Variants in DCDC1 observed in about 807,000 individuals in gnomAD.
DCDC1 encodes the protein doublecortin domain containing 1, also known as doublecortin domain-containing protein 1.
Under a neutral mutation model 178.3 loss-of-function variants are expected in DCDC1, and 200 were observed. The ratio of observed to expected loss-of-function variants is 1.12; its 90% CI spans 1.00 to 1.26. The LOEUF is 1.26. Among genes scored for constraint, DCDC1 ranks in the 50% most tolerant of loss-of-function variants. The pLI is 0.00. For missense variants in DCDC1, 1,983 were observed against 1,749.2 expected (o/e 1.13, Z -2.38); for synonymous variants, 690 against 604.8 (o/e 1.14, Z -2.07).
intron 9 of DCDC1, among the ~76,000 whole-genome samples, chr11:31,167,867 C>T (rs1199955843): frequency 6.6e-6 from 1 of 152,156 alleles, no homozygotes; most frequent in Non-Finnish European, 1.5e-5. Flanking sequence ...GATGCATAGG[C>T]ATCCATATCT....
chr11:31,355,921 G>A lies in DCDC1; in HGVS notation c.-125+13776C>T, dbSNP rs1486300015. ...CCATACCAGGGAAACATTCAATCAG[G>A]GATGCTCCCAGGCTAGTAAGGGAAG... On this transcript the variant is annotated intron_variant, in intron 1 of 38. Coordinates refer to ENST00000684477, the MANE Select transcript of DCDC1 (RefSeq NM_001387274.1). Among the ~76,000 whole-genome samples the A allele has an allele frequency of 2.0e-5, 3 of 151,932 alleles. No individual in the cohort carries two copies. The East Asian group carries it at 5.8e-4, about 29-fold the overall frequency.
intron 36 of DCDC1, chr11:30,883,660 G>A: frequency 4.9e-6 from 1 of 205,572 alleles, no homozygotes; most frequent in African/African-American, 2.4e-5. Context: ...AGAAAATGAA[G>A]CAAAATCTAT....
intron 11 of DCDC1, among the ~76,000 whole-genome samples, chr11:31,121,906 A>G (rs188073750): frequency 3.9e-5 from 6 of 152,290 alleles, no homozygotes; most frequent in Non-Finnish European, 7.4e-5. Context: ...AAGCTATAGT[A>G]AGTTCAGTTA....
intron 9 of DCDC1, among the ~76,000 whole-genome samples, chr11:31,155,293 T>C (rs1181409884): frequency 6.6e-6 from 1 of 152,196 alleles, no homozygotes; most frequent in Admixed American, 6.5e-5. Flanking sequence ...TCATCATCCA[T>C]CAGTAGAGGA....
At chr11:31,053,731 T>C (rs1259163751) in intron 20 of DCDC1, among the ~76,000 whole-genome samples, 1 of 152,180 alleles carries the variant, frequency 6.6e-6, no homozygotes, top group East Asian at 1.9e-4. Context: ...CACATGATCA[T>C]CTCAATAGAT....
chr11:31,265,466 CAA>C, intron 8 of DCDC1, 39 bp downstream of exon 8: 1 of 1,159,406 alleles, frequency 8.6e-7, no homozygotes, highest in Non-Finnish European at 1.2e-6. Context: ...AAATGTCTTT[CAA>C]AATATTATCA....
chr11:31,278,349 C>G (rs1202764645), intron 7 of DCDC1, among the ~76,000 whole-genome samples: 2 of 152,078 alleles, frequency 1.3e-5, no homozygotes, highest in African/African-American at 2.4e-5. Context: ...AGGAGAAACT[C>G]TTGTCATTTG....
chr11:31,308,890 T>A (rs1007006403), intron 3 of DCDC1, among the ~76,000 whole-genome samples: 1 of 152,096 alleles, frequency 6.6e-6, no homozygotes, highest in African/African-American at 2.4e-5. Flanking sequence ...CTTTCCAATT[T>A]GCTCATTCCT....
intron 27 of DCDC1, among the ~76,000 whole-genome samples, chr11:30,911,651 T>A (rs576971029): frequency 6.6e-6 from 1 of 152,266 alleles, no homozygotes; most frequent in East Asian, 1.9e-4. Flanking sequence ...CTGGCTGTGG[T>A]AGGGGGTCAG....
At chr11:31,092,436 G>A (rs1247513644) in intron 16 of DCDC1, among the ~76,000 whole-genome samples, 1 of 152,160 alleles carries the variant, frequency 6.6e-6, no homozygotes, top group Non-Finnish European at 1.5e-5. Flanking sequence ...AGCACTTTCT[G>A]TATACCAGAC....
intron 20 of DCDC1, among the ~76,000 whole-genome samples, chr11:30,981,187 A>C (rs1469270890): frequency 6.6e-6 from 1 of 152,086 alleles, no homozygotes; most frequent in East Asian, 1.9e-4. Context: ...GGGACTCCAA[A>C]AGCGGAGAGG....
intron 8 of DCDC1, among the ~76,000 whole-genome samples, chr11:31,261,737 A>C (rs1412892367): frequency 6.6e-6 from 1 of 152,152 alleles, no homozygotes; most frequent in African/African-American, 2.4e-5. Context: ...GAATAACTGT[A>C]TATGTACCAG....
chr11:30,926,593 C>T (rs1228899108), intron 22 of DCDC1, among the ~76,000 whole-genome samples: 1 of 152,038 alleles, frequency 6.6e-6, no homozygotes, highest in Non-Finnish European at 1.5e-5. Flanking sequence ...GAGGATATCC[C>T]GCCTATGGAA....
intron 7 of DCDC1, among the ~76,000 whole-genome samples, chr11:31,287,267 C>T (rs973927011): frequency 2.0e-5 from 3 of 151,222 alleles, no homozygotes; most frequent in African/African-American, 7.3e-5. Flanking sequence ...TCAGAGAAAA[C>T]ACAGACTGTA....
intron 38 of DCDC1, among the ~76,000 whole-genome samples, chr11:30,870,094 T>C (rs1590167315): frequency 6.6e-6 from 1 of 152,206 alleles, no homozygotes; most frequent in East Asian, 1.9e-4. Context: ...CAAAATCCTA[T>C]AAATGCATCC....
chr11:31,268,536 G>T (rs1286613079), intron 7 of DCDC1, among the ~76,000 whole-genome samples: 1 of 152,066 alleles, frequency 6.6e-6, no homozygotes, highest in Non-Finnish European at 1.5e-5. Flanking sequence ...CATCCATGTG[G>T]CTGCAAAGGA....
chr11:31,198,752 T>C (rs943624677), intron 9 of DCDC1, among the ~76,000 whole-genome samples: 5 of 152,044 alleles, frequency 3.3e-5, no homozygotes, highest in Non-Finnish European at 7.4e-5. Context: ...ACAACAGGAA[T>C]AATTTTGGAG....
chr11:31,252,544 G>A (rs1314568731), intron 8 of DCDC1, among the ~76,000 whole-genome samples: 1 of 151,986 alleles, frequency 6.6e-6, no homozygotes, highest in African/African-American at 2.4e-5. Context: ...AAAAGAGAGG[G>A]TAGGGCTGTT....
intron 20 of DCDC1, among the ~76,000 whole-genome samples, chr11:31,019,331 A>C (rs1952705811): frequency 6.6e-6 from 1 of 152,210 alleles, no homozygotes; most frequent in Non-Finnish European, 1.5e-5. Context: ...AGGCAGGGCA[A>C]ATACATGGCC....
Sources: gnomAD v4.1 joint callset for allele counts (sites outside exome capture counted in the v4.1 genomes callset) on GRCh38, gnomAD v4.1.1 for gene constraint, MANE v1.5 for transcripts, NCBI Gene and HGNC (gene_info 2026-07-23, HGNC 2026-07-21) for gene names.